The following PRAM1 variants were observed in gnomAD, a reference collection of about 807,000 sequenced individuals.
The protein encoded by PRAM1 is PML-RARA regulated adaptor molecule 1, also known as PML-RARA-regulated adapter molecule 1.
In PRAM1, 41 loss-of-function variants were observed where a neutral mutation model predicts 55.3. That is an observed-to-expected ratio of 0.74 (90% CI 0.58 to 0.96). The LOEUF (loss-of-function observed/expected upper bound fraction) is 0.96, where lower values mean the gene tolerates loss of function less well. Ranked by LOEUF, PRAM1 falls within the 40% of genes least tolerant of loss-of-function variation. The pLI is 0.00. For missense variants in PRAM1, 898 were observed against 892.7 expected (o/e 1.01, Z -0.08); for synonymous variants, 401 against 387.1 (o/e 1.04, Z -0.42).
chr19:8,494,460 G>A (rs903803321), intron 4 of PRAM1, among the ~76,000 whole-genome samples: 2 of 152,144 alleles, frequency 1.3e-5, no homozygotes, highest in Non-Finnish European at 2.9e-5. Flanking sequence ...AGGAGAAGCA[G>A]AGGGGGCCTC....
chr19:8,490,602 T>A lies in PRAM1; in HGVS notation c.1898A>T (p.Lys633Ile). The change falls in exon 7 of 10, where the codon AAA (lysine) becomes ATA (isoleucine). Residue 633 changes from lysine (K) to isoleucine (I), a missense_variant. Lys to Ile is a moderately radical substitution (Grantham distance 102). This residue lies in a region of PRAM1 where 787 missense variants were observed against 735.4 expected (regional missense o/e 1.07). Coordinates refer to ENST00000423345, the MANE Select transcript of PRAM1 (RefSeq NM_032152.5). The surrounding 1 kb of genome is among the most constrained non-coding windows in gnomAD (Gnocchi z 7.3). ...GGGCCGGGCGCACTCACATTTGCCT[T>A]TGGGGTCCCGGCACAGCATCTCCTC... is the stretch of plus-strand genomic sequence containing the variant. ...SNEEMLCRDP[K>I]GKYGYVPRTA... 2 of 1,586,002 alleles carry A rather than the reference T, an allele frequency of 1.3e-6. No homozygotes were observed. Among genetic ancestry groups the A allele is most frequent in the East Asian group, 2.3e-5 (1 of 43,282 alleles).
chr19:8,498,532 T>TA lies in PRAM1; in HGVS notation c.1275_1276insT (p.Ser426Ter). Reference sequence around the variant, plus strand: ...CTGAGGCCTGGCCTGGCCCCTCCACTGTGAACCAGGCCTCCTGACCTCCAG... The same window carrying TA: ...CTGAGGCCTGGCCTGGCCCCTCCACTAGTGAACCAGGCCTCCTGACCTCCAG... On this transcript the variant is annotated frameshift_variant, in exon 2 of 10. Coordinates refer to ENST00000423345, the MANE Select transcript of PRAM1 (RefSeq NM_032152.5). LOFTEE classifies it high-confidence loss of function. The TA allele has an allele frequency of 6.2e-7, 1 of 1,608,520 alleles. No individual in the cohort carries two copies. The highest frequency in any genetic ancestry group is 8.5e-7 in the Non-Finnish European group (1 of 1,177,620).
chr19:8,499,831 A>ATCCTTCCATGCCCC, intron 1 of PRAM1, 51 bp from the exon 2 acceptor site: 1 of 1,461,254 alleles, frequency 6.8e-7, no homozygotes, highest in Non-Finnish European at 9.2e-7. Context: ...CAGAAGGGGC[A>ATCCTTCCATGCCCC]TGGAAGGATG....
intron 1 of PRAM1, among the ~76,000 whole-genome samples, chr19:8,501,834 G>A (rs370990185): frequency 2.6e-5 from 4 of 152,118 alleles, no homozygotes; most frequent in Non-Finnish European, 5.9e-5. Flanking sequence ...GGGCACAGGC[G>A]CTGTCTCCTG....
intron 4 of PRAM1, chr19:8,492,058 AGTAG>A (rs1971636846): frequency 6.6e-6 from 1 of 151,536 alleles, no homozygotes; most frequent in African/African-American, 2.4e-5. Context: ...CAACCTCCCA[AGTAG>A]GTGGGATTAC....
At chr19:8,501,694 G>A (rs1396576706) in intron 1 of PRAM1, among the ~76,000 whole-genome samples, 1 of 152,050 alleles carries the variant, frequency 6.6e-6, no homozygotes, top group African/African-American at 2.4e-5. Flanking sequence ...TACTCAGCCT[G>A]ACCATCAGGA....
chr19:8,490,357 G>T lies in PRAM1; in HGVS notation c.1956C>A (p.Tyr652Ter). Reference sequence around the variant, plus strand: ...ACGTACCGCAGAAGTCGACATCATCGTACACCTCCGTCTCCCTGGCAGAGC... The same window carrying T: ...ACGTACCGCAGAAGTCGACATCATCTTACACCTCCGTCTCCCTGGCAGAGC... Reference protein sequence around the residue: ...TALLPLETEVYDDVDFCDPLE... With the variant: ...TALLPLETEV Residue 652 changes from tyrosine to a stop codon, truncating the protein, a stop_gained, in exon 9 of 10, where the codon TAC becomes TAA. Coordinates refer to ENST00000423345, the MANE Select transcript of PRAM1 (RefSeq NM_032152.5). LOFTEE classifies it high-confidence loss of function. The surrounding 1 kb of genome is among the most constrained non-coding windows in gnomAD (Gnocchi z 7.3). The T allele has an allele frequency of 1.2e-6, 2 of 1,613,974 alleles. No homozygotes were observed. Among genetic ancestry groups the T allele is most frequent in the Non-Finnish European group, 1.7e-6 (2 of 1,179,886 alleles).
intron 4 of PRAM1, among the ~76,000 whole-genome samples, chr19:8,494,394 A>G (rs1474993305): frequency 6.6e-6 from 1 of 152,146 alleles, no homozygotes; most frequent in Non-Finnish European, 1.5e-5. Flanking sequence ...AAGGGGCCCC[A>G]CCAGGAAGCT....
At chr19:8,500,037 C>G (rs1408697469) in intron 1 of PRAM1, among the ~76,000 whole-genome samples, 1 of 151,988 alleles carries the variant, frequency 6.6e-6, no homozygotes, top group Non-Finnish European at 1.5e-5. Flanking sequence ...CCTCCTGCAG[C>G]CTCCAGTCCC....
At position 8,498,624 on chromosome 19, in the gene PRAM1, G is replaced by A. The variant is rs775721642; in HGVS notation, c.1184C>T (p.Ala395Val). Reference sequence around the variant, plus strand: ...CCGGGAGCTGAAGCCGGCCACGGCCGCAGGCAGTGAGCTCTCGGAAGCGGA... The same window carrying A: ...CCGGGAGCTGAAGCCGGCCACGGCCACAGGCAGTGAGCTCTCGGAAGCGGA... ...PSSASESSLPAAVAGFSSRHP... is the reference protein window; with the variant it reads ...PSSASESSLPVAVAGFSSRHP... Residue 395 changes from alanine (A) to valine (V), a missense_variant, in exon 2 of 10, where the codon GCG becomes GTG. Around this residue, in one of 4 missense-constraint regions of PRAM1, gnomAD observed 787 missense variants for 735.4 expected, o/e 1.07. Transcript: ENST00000423345. 2.5e-6 allele frequency: 4 copies of A among 1,612,272 alleles called. No homozygotes were observed. The highest frequency in any genetic ancestry group is 2.2e-5 in the East Asian group (1 of 44,838).
intron 3 of PRAM1, 59 bp downstream of exon 3, chr19:8,498,164 G>A: frequency 6.4e-7 from 1 of 1,554,042 alleles, no homozygotes; most frequent in Non-Finnish European, 8.8e-7. Flanking sequence ...TCCAGGCCGA[G>A]ATGAGGCCTC....
Position 8,502,615 on chromosome 19 carries a change from GGCC to G in PRAM1, c.-27_-25del, listed in dbSNP as rs1190011114. ...ATGGGATGAGTGGGACCCGAGCTGG[GGCC>G]GCTGCCTTCAGGAAGTGACTGTGGC... On this transcript the variant is annotated 5_prime_UTR_variant, in exon 1 of 10. Transcript: ENST00000423345. The G allele has an allele frequency of 6.5e-7, 1 of 1,549,400 alleles. No homozygotes were observed. Among genetic ancestry groups the G allele is most frequent in the East Asian group, 2.4e-5 (1 of 40,976 alleles).
chr19:8,502,617 C>T lies in PRAM1; in HGVS notation c.-26G>A, dbSNP rs1423365447. 1 of 1,547,214 alleles carries T rather than the reference C, an allele frequency of 6.5e-7. No homozygotes were observed. Among genetic ancestry groups the T allele is most frequent in the Non-Finnish European group, 8.7e-7 (1 of 1,147,046 alleles). On this transcript the variant is annotated 5_prime_UTR_variant, in exon 1 of 10. Coordinates refer to ENST00000423345, the MANE Select transcript of PRAM1 (RefSeq NM_032152.5). ...GGGATGAGTGGGACCCGAGCTGGGG[C>T]CGCTGCCTTCAGGAAGTGACTGTGG...
intron 4 of PRAM1, among the ~76,000 whole-genome samples, chr19:8,495,609 C>T (rs1419987508): frequency 1.3e-5 from 2 of 152,128 alleles, no homozygotes; most frequent in East Asian, 1.9e-4. Context: ...GTGGAGGGTA[C>T]GGATTTAGGG....
At position 8,499,800 on chromosome 19, in the gene PRAM1, T is replaced by A; in HGVS notation, c.28-20A>T. 3 of 1,561,994 alleles carry A rather than the reference T, an allele frequency of 1.9e-6. No homozygotes were observed. Among genetic ancestry groups the A allele is most frequent in the Non-Finnish European group, 2.6e-6 (3 of 1,153,480 alleles). ...GCTCTCCTAGGAGACGCAGAGCCAA[T>A]GAGGCAGGGGCTCAAACACACAGAA... On this transcript the variant is annotated intron_variant, in intron 1 of 9. Coordinates refer to ENST00000423345, the MANE Select transcript of PRAM1 (RefSeq NM_032152.5).
chr19:8,496,535 G>A (rs994044088), intron 4 of PRAM1, among the ~76,000 whole-genome samples: 1 of 151,750 alleles, frequency 6.6e-6, no homozygotes, highest in Non-Finnish European at 1.5e-5. Context: ...GACCAGCCTA[G>A]CCAACATGGT....
At chr19:8,496,728 C>T (rs1971704156) in intron 4 of PRAM1, among the ~76,000 whole-genome samples, 1 of 151,096 alleles carries the variant, frequency 6.6e-6, no homozygotes, top group Admixed American at 6.6e-5. Flanking sequence ...CCATCTCAAA[C>T]AAAAAAACGA....
At position 8,499,022 on chromosome 19, in the gene PRAM1, C is replaced by T. The variant is rs1450193244; in HGVS notation, c.786G>A (p.Pro262=). 1.9e-6 allele frequency: 3 copies of T among 1,613,774 alleles called. No individual in the cohort carries two copies. Among genetic ancestry groups the T allele is most frequent in the Non-Finnish European group, 2.5e-6 (3 of 1,179,858 alleles). The part of the protein sequence containing the change: ...TPLWKPQSSE[P]KRDSSAFPKK... ...TGGGAAAGGCGCTGGAGTCGCGCTT[C>T]GGCTCGCTGGACTGAGGCTTCCAGA... The change falls in exon 2 of 10, where the codon CCG becomes CCA. Residue 262 remains proline (P), a synonymous_variant. Coordinates refer to ENST00000423345, the MANE Select transcript of PRAM1 (RefSeq NM_032152.5).
At position 8,502,630 on chromosome 19, in the gene PRAM1, G is replaced by A. The variant is rs1292020863; in HGVS notation, c.-39C>T. On this transcript the variant is annotated 5_prime_UTR_variant, in exon 1 of 10. Transcript: ENST00000423345. Reference sequence around the variant, plus strand: ...CCCGAGCTGGGGCCGCTGCCTTCAGGAAGTGACTGTGGCTTCTGCTCCACG... The same window carrying A: ...CCCGAGCTGGGGCCGCTGCCTTCAGAAAGTGACTGTGGCTTCTGCTCCACG... The A allele has an allele frequency of 6.5e-7, 1 of 1,540,570 alleles. No individual in the cohort carries two copies. Among genetic ancestry groups the A allele is most frequent in the Admixed American group, 2.0e-5 (1 of 50,418 alleles).
Sources: allele counts gnomAD v4.1 joint callset (sites outside exome capture counted in the v4.1 genomes callset), GRCh38; gene constraint gnomAD v4.1.1; regional missense constraint gnomAD v4.1.1; non-coding constraint Gnocchi (gnomAD v3.1); transcripts MANE v1.5; gene names NCBI Gene and HGNC (gene_info 2026-07-23, HGNC 2026-07-21).